Variants in CPQ observed in about 807,000 individuals in gnomAD.
CPQ encodes Ser-Met dipeptidase.
A neutral mutation model predicts 45.7 loss-of-function variants in CPQ; 37 were observed. The ratio of observed to expected loss-of-function variants is 0.81; its 90% CI spans 0.62 to 1.07. The LOEUF (loss-of-function observed/expected upper bound fraction) is 1.07. CPQ is among the 50% of genes least tolerant of loss of function. CPQ has a pLI of 0.00. For synonymous variants in CPQ, 186 were observed against 205.8 expected (o/e 0.90, Z 0.82); for missense variants, 537 against 572.9 (o/e 0.94, Z 0.64).
intron 4 of CPQ, among the ~76,000 whole-genome samples, chr8:96,926,564 C>CTTCTTCTTCT (rs1563530761): frequency 1.9e-4 from 12 of 64,270 alleles, no homozygotes; most frequent in African/African-American, 1.0e-3. Context: ...CTTCCTCTTC[C>CTTCTTCTTCT]TCTTCCTCTT....
chr8:96,699,733 G>A (rs1211564445), intron 1 of CPQ, among the ~76,000 whole-genome samples: 1 of 151,992 alleles, frequency 6.6e-6, no homozygotes, highest in Non-Finnish European at 1.5e-5. Context: ...GGCCCAAGCT[G>A]AGGACAAAGA....
At chr8:97,065,747 A>G (rs933865391) in intron 6 of CPQ, among the ~76,000 whole-genome samples, 2 of 152,192 alleles carry the variant, frequency 1.3e-5, no homozygotes, top group South Asian at 4.1e-4. Flanking sequence ...AACATCTTTA[A>G]TATGGGGCTT....
At chr8:97,076,758 A>G (rs1488758697) in intron 7 of CPQ, among the ~76,000 whole-genome samples, 1 of 152,090 alleles carries the variant, frequency 6.6e-6, no homozygotes, top group Non-Finnish European at 1.5e-5. Context: ...GCTTGTTTTC[A>G]TAGGCATAAT....
intron 2 of CPQ, among the ~76,000 whole-genome samples, chr8:96,808,413 G>A (rs1811113886): frequency 6.6e-6 from 1 of 152,124 alleles, no homozygotes; most frequent in Non-Finnish European, 1.5e-5. Flanking sequence ...CCTCGTCCTT[G>A]TCATCACAGA....
rs1703442880 is a variant in CPQ, at chr8:96,773,330, AG to A, written c.-34-11533del. On this transcript the variant is annotated intron_variant, in intron 1 of 7. Transcript: ENST00000220763. ...TAAAAGTAAAATATTATCGCCATTA[AG>A]TGATATAGTCTAGCAGGGTGACAGA... Among the ~76,000 whole-genome samples, 8 of 152,324 alleles carry A rather than the reference AG, an allele frequency of 5.3e-5. No individual in the cohort carries two copies. In the South Asian group the frequency reaches 1.7e-3, roughly 32 times the overall value.
intron 7 of CPQ, among the ~76,000 whole-genome samples, chr8:97,103,177 G>A (rs1175203313): frequency 6.6e-6 from 1 of 152,078 alleles, no homozygotes; most frequent in African/African-American, 2.4e-5. Context: ...AAGCACACCT[G>A]CAAAGTTCCT....
chr8:96,730,857 C>T (rs1374117141), intron 1 of CPQ, among the ~76,000 whole-genome samples: 2 of 77,772 alleles, frequency 2.6e-5, no homozygotes, highest in Admixed American at 2.9e-4. Flanking sequence ...GATCAATTAA[C>T]CATACATACA....
chr8:96,819,128 C>T lies in CPQ; in HGVS notation c.434-15845C>T, dbSNP rs928408836. Reference sequence around the variant, plus strand: ...ACATAGCTCCCTGAAGGTCCTCCTGCCTAGAAAAATTATCATCACACAATT... The same window carrying T: ...ACATAGCTCCCTGAAGGTCCTCCTGTCTAGAAAAATTATCATCACACAATT... On this transcript the variant is annotated intron_variant, in intron 2 of 7. Coordinates refer to ENST00000220763, the MANE Select transcript of CPQ (RefSeq NM_016134.4). 8.5e-5 allele frequency among the ~76,000 whole-genome samples: 13 copies of T among 152,054 alleles called. No homozygotes were observed. In the East Asian group the frequency reaches 2.3e-3, roughly 27 times the overall value.
intron 1 of CPQ, among the ~76,000 whole-genome samples, chr8:96,711,592 G>A (rs994945762): frequency 6.6e-6 from 1 of 152,104 alleles, no homozygotes; most frequent in Non-Finnish European, 1.5e-5. Context: ...TGGCAACAAG[G>A]AGAAGTGCTG....
At chr8:96,934,195 C>T (rs1813014441) in intron 4 of CPQ, among the ~76,000 whole-genome samples, 1 of 152,130 alleles carries the variant, frequency 6.6e-6, no homozygotes, top group African/African-American at 2.4e-5. Context: ...TGGAGTCTCC[C>T]ATCAGTGCAG....
intron 1 of CPQ, among the ~76,000 whole-genome samples, chr8:96,660,688 C>T (rs1473120470): frequency 6.6e-6 from 1 of 150,954 alleles, no homozygotes; most frequent in East Asian, 1.9e-4. Context: ...TAGTGCTTTC[C>T]CAGCTTTCCT....
intron 2 of CPQ, among the ~76,000 whole-genome samples, chr8:96,832,826 G>A (rs1402294975): frequency 6.6e-6 from 1 of 152,132 alleles, no homozygotes; most frequent in Non-Finnish European, 1.5e-5. Context: ...CGGCAGAAGT[G>A]GAAATGGGGA....
chr8:97,077,378 T>C (rs1338297898), intron 7 of CPQ, among the ~76,000 whole-genome samples: 5 of 152,216 alleles, frequency 3.3e-5, no homozygotes, highest in African/African-American at 1.2e-4. Context: ...CGCAGCATTT[T>C]ACCAGATACT....
intron 1 of CPQ, among the ~76,000 whole-genome samples, chr8:96,777,752 ATATATATATTTTTTTTTTTTTTTTTTTT>A (rs1242812666): frequency 1.0e-3 from 12 of 11,802 alleles, no homozygotes; most frequent in African/African-American, 4.4e-3. Flanking sequence ...ATATATATAT[ATATATATATTTTTTTTTTTTTTTTTTTT>A]TTTTTTTTTT....
rs889117455 is a variant in CPQ, at chr8:97,098,708, T to C, written c.1255+32498T>C. 5.3e-5 allele frequency among the ~76,000 whole-genome samples: 8 copies of C among 152,272 alleles called. No homozygotes were observed. In the East Asian group the frequency reaches 1.5e-3, roughly 29 times the overall value. ...GTTGTCTTAATGGTCACAGTACAGG[T>C]CATCATACACCTCTGGAGGAAGTCT... On this transcript the variant is annotated intron_variant, in intron 7 of 7. Coordinates refer to ENST00000220763, the MANE Select transcript of CPQ (RefSeq NM_016134.4).
intron 6 of CPQ, among the ~76,000 whole-genome samples, chr8:97,064,493 G>T (rs1379890867): frequency 1.3e-5 from 2 of 152,076 alleles, no homozygotes; most frequent in African/African-American, 4.8e-5. Context: ...AAATGCCCTG[G>T]GTCTTTCACT....
intron 7 of CPQ, among the ~76,000 whole-genome samples, chr8:97,075,868 G>A (rs1007074739): frequency 5.9e-5 from 9 of 152,140 alleles, no homozygotes; most frequent in African/African-American, 1.9e-4. Flanking sequence ...TTCACTCATG[G>A]TCAGTCCTAT....
intron 1 of CPQ, among the ~76,000 whole-genome samples, chr8:96,772,414 T>A (rs1166999076): frequency 6.6e-6 from 1 of 151,980 alleles, no homozygotes; most frequent in East Asian, 1.9e-4. Flanking sequence ...GGAAGAAAAC[T>A]CTTGACGGGG....
At chr8:96,958,087 C>A (rs1442136088) in intron 4 of CPQ, among the ~76,000 whole-genome samples, 2 of 151,984 alleles carry the variant, frequency 1.3e-5, no homozygotes, top group Non-Finnish European at 2.9e-5. Flanking sequence ...TTGATCCTCC[C>A]TCCTTGACTT....
Sources: gnomAD v4.1 joint callset for allele counts (sites outside exome capture counted in the v4.1 genomes callset) on GRCh38, gnomAD v4.1.1 for gene constraint, MANE v1.5 for transcripts, NCBI Gene and HGNC (gene_info 2026-07-23, HGNC 2026-07-21) for gene names.